Variants in THADA observed in about 807,000 individuals in gnomAD.
The protein encoded by THADA is tRNA (32-2'-O)-methyltransferase regulator THADA.
THADA carries 213 observed loss-of-function variants against 219.8 expected under a neutral mutation model. The observed-to-expected ratio is 0.97, with a 90% CI of 0.87 to 1.09. The LOEUF is 1.09. Ranked by LOEUF, THADA falls within the 50% of genes least tolerant of loss-of-function variation. THADA has a pLI of 0.00. For synonymous variants in THADA, 1,018 were observed against 828.9 expected, an observed-to-expected ratio of 1.23 and a Z score of -3.92; for missense variants, 2,956 against 2,311.3, an observed-to-expected ratio of 1.28 and a Z score of -5.72.
At chr2:43,515,128 T>A (rs1463259300) in intron 22 of THADA, among the ~76,000 whole-genome samples, 8 of 6,028 alleles carry the variant, frequency 1.3e-3, no homozygotes, top group Non-Finnish European at 1.0e-3. Context: ...TAATATATTT[T>A]ATATATAATA....
chr2:43,417,266 C>T (rs1313165269), intron 28 of THADA, among the ~76,000 whole-genome samples: 4 of 151,640 alleles, frequency 2.6e-5, no homozygotes, highest in African/African-American at 9.7e-5. Context: ...AACATATTTT[C>T]TAAGAGTTTA....
chr2:43,322,565 G>C (rs76591751), intron 30 of THADA, among the ~76,000 whole-genome samples: 2 of 148,226 alleles, frequency 1.3e-5, no homozygotes, highest in Non-Finnish European at 3.0e-5. Flanking sequence ...AAAAGGACAC[G>C]CAATGAAAAT....
chr2:43,281,735 C>A (rs1468828068), intron 35 of THADA, among the ~76,000 whole-genome samples: 4 of 151,828 alleles, frequency 2.6e-5, no homozygotes, highest in African/African-American at 9.7e-5. Context: ...CCACGCCTGG[C>A]CTCTCATGCA....
At chr2:43,462,312 A>G (rs1179501456) in intron 26 of THADA, among the ~76,000 whole-genome samples, 1 of 152,206 alleles carries the variant, frequency 6.6e-6, no homozygotes, top group Non-Finnish European at 1.5e-5. Flanking sequence ...GGCGCTGACC[A>G]AAAAATGTCC....
intron 29 of THADA, among the ~76,000 whole-genome samples, chr2:43,344,833 C>A (rs1667461738): frequency 6.6e-6 from 1 of 151,954 alleles, no homozygotes; most frequent in Non-Finnish European, 1.5e-5. Flanking sequence ...AGACGTGCCC[C>A]ACTTATACAA....
intron 17 of THADA, 114 bp downstream of exon 17, chr2:43,556,231 G>A: frequency 4.6e-6 from 7 of 1,510,930 alleles, no homozygotes; most frequent in South Asian, 1.3e-5. Flanking sequence ...CTTATATGCT[G>A]ATAAACTTTT....
At chr2:43,321,880 G>A (rs1678755715) in intron 30 of THADA, among the ~76,000 whole-genome samples, 2 of 152,170 alleles carry the variant, frequency 1.3e-5, no homozygotes, top group Non-Finnish European at 1.5e-5. Context: ...TGGCACAAGT[G>A]TTCTGGCTAG....
At chr2:43,448,560 C>CTTTTTTTTTTTTTTTTTTTTTCTTTTTTT (rs71410179) in intron 26 of THADA, among the ~76,000 whole-genome samples, 4 of 103,626 alleles carry the variant, frequency 3.9e-5, no homozygotes, top group East Asian at 3.1e-4. Context: ...TTCTTCCTTT[C>CTTTTTTTTTTTTTTTTTTTTTCTTTTTTT]TTTTTTTTTT....
intron 31 of THADA, among the ~76,000 whole-genome samples, chr2:43,314,928 A>G (rs947494518): frequency 6.6e-6 from 1 of 152,254 alleles, no homozygotes; most frequent in Non-Finnish European, 1.5e-5. Flanking sequence ...CACTATGATA[A>G]AAGTTTGAAT....
chr2:43,339,963 A>T (rs996704022), intron 30 of THADA, among the ~76,000 whole-genome samples: 37 of 145,730 alleles, frequency 2.5e-4, no homozygotes, highest in African/African-American at 9.7e-4. Flanking sequence ...TAAAAAACTT[A>T]AAAAAAAAAG....
At chr2:43,352,598 G>C (rs1180550783) in intron 29 of THADA, among the ~76,000 whole-genome samples, 1 of 151,828 alleles carries the variant, frequency 6.6e-6, no homozygotes, top group Non-Finnish European at 1.5e-5. Flanking sequence ...GATTTGTTCA[G>C]TCAAGACAAA....
chr2:43,360,030 G>C (rs1309499707), intron 29 of THADA, among the ~76,000 whole-genome samples: 1 of 151,802 alleles, frequency 6.6e-6, no homozygotes, highest in East Asian at 1.9e-4. Flanking sequence ...ATGGTGTGCT[G>C]GGCAAATTAA....
chr2:43,577,362 A>C, intron 9 of THADA, 120 bp from the exon 10 acceptor site: 1 of 786,420 alleles, frequency 1.3e-6, no homozygotes. Context: ...GACTAAATCC[A>C]AAGATAAAAT....
intron 30 of THADA, among the ~76,000 whole-genome samples, chr2:43,328,716 C>A (rs145435015): frequency 6.6e-6 from 1 of 152,302 alleles, no homozygotes; most frequent in Non-Finnish European, 1.5e-5. Context: ...CCCACTCCTA[C>A]CAGGGTTCTG....
rs561923328 is a variant in THADA, at chr2:43,232,727, C to T, written c.5452G>A (p.Glu1818Lys). ...CCCGGGATCACCTGATGCATGCTCT[C>T]CACACAGGCCACGAGGTCATCACTC... ...GESDDLVACV[E>K]SMHQVEEDYL... Residue 1818 changes from glutamate (E) to lysine (K), a missense_variant, in exon 37 of 38, where the codon GAG (glutamate) becomes AAG (lysine). Transcript: ENST00000405975. 3 of 1,613,962 alleles carry T rather than the reference C, an allele frequency of 1.9e-6. No individual in the cohort carries two copies. The highest frequency in any genetic ancestry group is 2.2e-5 in the East Asian group (1 of 44,880).
At position 43,449,577 on chromosome 2, in the gene THADA, G is replaced by A. The variant is rs181110832; in HGVS notation, c.3837-19275C>T. Among the ~76,000 whole-genome samples, 1,281 of 152,144 alleles carry A rather than the reference G, an allele frequency of 8.4e-3. 71 individuals carry two copies. The highest frequency in any genetic ancestry group is 0.077 in the Admixed American group (1,177 of 15,280). On this transcript the variant is annotated intron_variant, in intron 26 of 37. Coordinates refer to ENST00000405975, the MANE Select transcript of THADA (RefSeq NM_022065.5). ...AGCTTGAAAGCAGAAAGAGAAGCCC[G>A]GGCAACATGGTGAGACCCCATCTCT...
intron 21 of THADA, among the ~76,000 whole-genome samples, chr2:43,537,822 T>C (rs1002727228): frequency 1.3e-5 from 2 of 148,188 alleles, no homozygotes; most frequent in African/African-American, 2.5e-5. Flanking sequence ...CCAGGAGTGG[T>C]AGCACACACC....
At chr2:43,515,319 TATATATA>T (rs372400462) in intron 22 of THADA, among the ~76,000 whole-genome samples, 2 of 9,596 alleles carry the variant, frequency 2.1e-4, no homozygotes, top group Non-Finnish European at 4.5e-4. Flanking sequence ...TATAATATTT[TATATATA>T]ATATATAATA....
chr2:43,556,289 A>G (rs1013489952), intron 17 of THADA, 56 bp downstream of exon 17: 1 of 1,589,504 alleles, frequency 6.3e-7, no homozygotes, highest in Admixed American at 1.7e-5. Flanking sequence ...TATTCTAACC[A>G]AATGAATACT....
Sources: gnomAD v4.1 joint callset for allele counts (sites outside exome capture counted in the v4.1 genomes callset) on GRCh38, gnomAD v4.1.1 for gene constraint, MANE v1.5 for transcripts, NCBI Gene and HGNC (gene_info 2026-07-23, HGNC 2026-07-21) for gene names.